MTMR12: variants seen among roughly 807,000 people sequenced by gnomAD.
MTMR12 encodes myotubularin-related protein 12.
MTMR12 carries 33 observed loss-of-function variants against 96.7 expected under a neutral mutation model. That is an observed-to-expected ratio of 0.34 (90% CI 0.26 to 0.46). MTMR12 has a LOEUF of 0.46. MTMR12 is among the 20% of genes least tolerant of loss of function. MTMR12 has a pLI of 1.00. For missense variants in MTMR12, 721 were observed against 896.1 expected, an observed-to-expected ratio of 0.80 and a Z score of 2.49; for synonymous variants, 298 against 327.2, an observed-to-expected ratio of 0.91 and a Z score of 0.96.
intron 1 of MTMR12, among the ~76,000 whole-genome samples, chr5:32,279,076 CAAAAAAAAAAAAAAAAAA>C (rs35999870): frequency 0.44 from 21,883 of 49,752 alleles, 2,869 homozygotes; most frequent in Middle Eastern, 0.64. Context: ...AACTCTGTCT[CAAAAAAAAAAAAAAAAAA>C]AAAAAAAAAA....
At chr5:32,293,306 A>C (rs1750808756) in intron 1 of MTMR12, among the ~76,000 whole-genome samples, 1 of 152,164 alleles carries the variant, frequency 6.6e-6, no homozygotes, top group African/African-American at 2.4e-5. Context: ...CCCATTCTTA[A>C]TCTGGTGGGC....
At chr5:32,288,060 G>A (rs1039112158) in intron 1 of MTMR12, among the ~76,000 whole-genome samples, 1 of 152,156 alleles carries the variant, frequency 6.6e-6, no homozygotes, top group East Asian at 1.9e-4. Flanking sequence ...AGCTGAAATT[G>A]TGGAAAAACA....
At chr5:32,263,597 A>G (rs1226554695) in intron 6 of MTMR12, among the ~76,000 whole-genome samples, 3 of 151,914 alleles carry the variant, frequency 2.0e-5, no homozygotes, top group African/African-American at 4.8e-5. Flanking sequence ...ACCACCACAT[A>G]TGGCTAATTT....
chr5:32,264,617 C>T (rs906507897), intron 6 of MTMR12, among the ~76,000 whole-genome samples: 13 of 152,058 alleles, frequency 8.5e-5, no homozygotes, highest in Admixed American at 5.9e-4. Context: ...CCCACCAACA[C>T]GCCTGGCTAA....
intron 2 of MTMR12, 56 bp from the exon 3 acceptor site, chr5:32,274,178 A>C: frequency 1.3e-6 from 2 of 1,584,998 alleles, no homozygotes; most frequent in Admixed American, 1.8e-5. Context: ...TACGATATGC[A>C]AACACTAAAG....
intron 12 of MTMR12, among the ~76,000 whole-genome samples, chr5:32,241,708 CATGGATCT>C (rs1456778256): frequency 3.3e-5 from 5 of 152,136 alleles, no homozygotes; most frequent in African/African-American, 9.7e-5. Flanking sequence ...CCAAGTCATC[CATGGATCT>C]CTTTATATAA....
intron 1 of MTMR12, among the ~76,000 whole-genome samples, chr5:32,298,674 C>A (rs1467946155): frequency 1.3e-5 from 2 of 151,940 alleles, no homozygotes; most frequent in East Asian, 3.9e-4. Flanking sequence ...TGAGGCCAGG[C>A]GCAGTGGCTC....
In MTMR12 at chr5:32,276,873, CTTTTTTTTTTTTTTTTTTTTT is replaced by C; in HGVS notation, c.82-152_82-132del. The C allele has an allele frequency of 3.2e-5, 4 of 123,786 alleles. 1 individual carries two copies. The Admixed American group carries it at 5.8e-4, about 18-fold the overall frequency. 7.7% of individuals were successfully genotyped at this position (123,786 alleles called of 1,614,324 possible). Reference sequence around the variant, plus strand: ...AGCTTTTCGTTTATGTTACAAGCTACTTTTTTTTTTTTTTTTTTTTTTTTTTTTTTTGAGATGGAGTCTCAC... The same window carrying C: ...AGCTTTTCGTTTATGTTACAAGCTACTTTTTTTTTTGAGATGGAGTCTCAC... On this transcript the variant is annotated intron_variant, in intron 1 of 15. Transcript: ENST00000382142.
intron 1 of MTMR12, among the ~76,000 whole-genome samples, chr5:32,306,686 A>G (rs1751379895): frequency 6.6e-6 from 1 of 152,160 alleles, no homozygotes; most frequent in Non-Finnish European, 1.5e-5. Context: ...CTAGTAGGAG[A>G]GAGTTTTTAT....
intron 1 of MTMR12, 140 bp from the exon 2 acceptor site, chr5:32,276,882 T>A: frequency 2.2e-6 from 1 of 460,868 alleles, no homozygotes; most frequent in Non-Finnish European, 3.6e-6. Flanking sequence ...ACTTTTTTTT[T>A]TTTTTTTTTT....
At position 32,239,112 on chromosome 5, in the gene MTMR12, G is replaced by C. The variant is rs374766930; in HGVS notation, c.1233C>G (p.Pro411=). ...GGAAACCAATTCTGGTTCTGCAGTGGGGGTCCATCATCAGTTGCACCAGAG... is the reference window on the plus strand; with the variant it reads ...GGAAACCAATTCTGGTTCTGCAGTGCGGGTCCATCATCAGTTGCACCAGAG... ...ISSLVQLMMD[P]HCRTRIGFQS... Residue 411 remains proline (P), a synonymous_variant, in exon 13 of 16, where the codon CCC becomes CCG. Transcript: ENST00000382142. 4 of 1,609,862 alleles carry C rather than the reference G, an allele frequency of 2.5e-6. No individual in the cohort carries two copies. The highest frequency in any genetic ancestry group is 2.5e-6 in the Non-Finnish European group (3 of 1,178,100).
chr5:32,258,119 C>T (rs1460067553), intron 7 of MTMR12, among the ~76,000 whole-genome samples: 1 of 150,392 alleles, frequency 6.6e-6, no homozygotes, highest in Non-Finnish European at 1.5e-5. Context: ...ACAGTGAGAC[C>T]CTGTCTCAAA....
In MTMR12 at chr5:32,274,088, C is replaced by T; in HGVS notation, c.177G>A (p.Leu59=). The T allele has an allele frequency of 1.9e-6, 3 of 1,614,202 alleles. No individual in the cohort carries two copies. The highest frequency in any genetic ancestry group is 2.5e-6 in the Non-Finnish European group (3 of 1,180,028). The change falls in exon 3 of 16, where the codon CTG becomes CTA. Residue 59 remains leucine (L), a synonymous_variant. Transcript: ENST00000382142. The part of the protein sequence containing the change: ...EQLLCEASTV[L]KYVQEDSCQH... ...GACAGGAATCTTCCTGGACATACTTCAGTACTGTGCTGGCTTCACAAAGCA... is the reference window on the plus strand; with the variant it reads ...GACAGGAATCTTCCTGGACATACTTTAGTACTGTGCTGGCTTCACAAAGCA...
In MTMR12 at chr5:32,233,394, A is replaced by T. The variant is rs1221531658; in HGVS notation, c.1674+379T>A. On this transcript the variant is annotated intron_variant, in intron 15 of 15. Transcript: ENST00000382142. This position sits in a 1 kb window ranked among gnomAD's most constrained non-coding sequence, Gnocchi z 5.0. ...TAAGAAAAGTCTTACTATTTATTAT[A>T]ATAAATGAACTGGTATCGGCCAAGT... is the stretch of plus-strand genomic sequence containing the variant. 6.6e-6 allele frequency among the ~76,000 whole-genome samples: 1 copy of T among 151,970 alleles called. No homozygotes were observed. The highest frequency in any genetic ancestry group is 2.4e-5 in the African/African-American group (1 of 41,342).
At chr5:32,254,298 G>A (rs1749058945) in intron 8 of MTMR12, among the ~76,000 whole-genome samples, 1 of 152,152 alleles carries the variant, frequency 6.6e-6, no homozygotes, top group African/African-American at 2.4e-5. Flanking sequence ...CATATGTACC[G>A]TGGTGACTTT....
chr5:32,230,010 A>T lies in MTMR12; in HGVS notation c.2012T>A (p.Val671Asp). ...LSKLLEMMEE[V>D]QSLQEKIDER... ...GTCGATCTTCTCTTGTAAACTCTGGACTTCCTCCATCATTTCCAAGAGTTT... is the reference window on the plus strand; with the variant it reads ...GTCGATCTTCTCTTGTAAACTCTGGTCTTCCTCCATCATTTCCAAGAGTTT... Residue 671 changes from valine to aspartate, a missense_variant, in exon 16 of 16, where the codon GTC becomes GAC. Transcript: ENST00000382142. 6.2e-7 allele frequency: 1 copy of T among 1,613,416 alleles called. No homozygotes were observed. The highest frequency in any genetic ancestry group is 8.5e-7 in the Non-Finnish European group (1 of 1,179,500).
chr5:32,307,167 T>C (rs912728583), intron 1 of MTMR12, among the ~76,000 whole-genome samples: 1 of 152,186 alleles, frequency 6.6e-6, no homozygotes, highest in African/African-American at 2.4e-5. Flanking sequence ...CTCCGAGTTG[T>C]TTATGTTTAT....
At chr5:32,242,371 C>T (rs533729831) in intron 11 of MTMR12, among the ~76,000 whole-genome samples, 110 of 152,156 alleles carry the variant, frequency 7.2e-4, no homozygotes, top group Middle Eastern at 3.4e-3. Flanking sequence ...TGTGAAAATG[C>T]TCCTAGGTAA....
chr5:32,261,221 A>C (rs1184272534), intron 7 of MTMR12, among the ~76,000 whole-genome samples: 1 of 152,064 alleles, frequency 6.6e-6, no homozygotes, highest in Non-Finnish European at 1.5e-5. Flanking sequence ...TGACAGAGTG[A>C]GACTCAGTCT....
Sources: allele counts gnomAD v4.1 joint callset (sites outside exome capture counted in the v4.1 genomes callset), GRCh38; gene constraint gnomAD v4.1.1; non-coding constraint Gnocchi (gnomAD v3.1); transcripts MANE v1.5; gene names NCBI Gene and HGNC (gene_info 2026-07-23, HGNC 2026-07-21).